C1GALT1: variants seen among roughly 807,000 people sequenced by gnomAD.
C1GALT1 encodes glycoprotein-N-acetylgalactosamine 3-beta-galactosyltransferase 1.
C1GALT1 carries 11 observed loss-of-function variants against 31.0 expected under a neutral mutation model. The observed-to-expected ratio is 0.36, with a 90% CI of 0.22 to 0.59. The LOEUF is 0.59. C1GALT1 is among the 20% of genes least tolerant of loss of function. The pLI, the probability that C1GALT1 is intolerant of heterozygous loss-of-function variation, is 0.79. For missense variants in C1GALT1, 424 were observed against 425.2 expected (o/e 1.00, Z 0.03); for synonymous variants, 175 against 143.6 (o/e 1.22, Z -1.56).
At chr7:7,213,098 T>A (rs1306311258) in intron 1 of C1GALT1, among the ~76,000 whole-genome samples, 1 of 152,228 alleles carries the variant, frequency 6.6e-6, no homozygotes, top group African/African-American at 2.4e-5. Flanking sequence ...TAGTTAACTC[T>A]TGTTTTGCTT....
rs1208861815 is a variant in C1GALT1 at position 7,244,255 on chromosome 7, T to TA, written c.*528_*529insA. The TA allele has an allele frequency of 6.6e-6, 1 of 152,206 alleles. No homozygotes were observed. 9.4% of individuals were successfully genotyped at this position (152,206 alleles called of 1,614,324 possible). ...TTTTTGTCTAATGAAAATGTTGCTG[T>TA]GATTATTTATAATTGGTAGTATTTC... On this transcript the variant is annotated 3_prime_UTR_variant, in exon 4 of 4. Coordinates refer to ENST00000436587, the MANE Select transcript of C1GALT1 (RefSeq NM_020156.5).
chr7:7,216,681 C>T (rs949391294), intron 1 of C1GALT1, among the ~76,000 whole-genome samples: 8 of 152,170 alleles, frequency 5.3e-5, no homozygotes, highest in Non-Finnish European at 8.8e-5. Flanking sequence ...CTATCTTAAT[C>T]GGAGACAGAA....
At chr7:7,166,172 A>T (rs763870877) in intron 2 of C1GALT1, among the ~76,000 whole-genome samples, 44 of 152,196 alleles carry the variant, frequency 2.9e-4, no homozygotes, top group Non-Finnish European at 5.3e-4. Context: ...GAGAATAATT[A>T]GGTTTCCTAA....
intron 1 of C1GALT1, among the ~76,000 whole-genome samples, chr7:7,227,603 C>G (rs1782830738): frequency 6.6e-6 from 1 of 151,384 alleles, no homozygotes; most frequent in Non-Finnish European, 1.5e-5. Flanking sequence ...GCCTGTAGTC[C>G]CAGCTACTTG....
intron 1 of C1GALT1, among the ~76,000 whole-genome samples, chr7:7,227,707 G>C (rs1364185437): frequency 7.6e-6 from 1 of 132,032 alleles, no homozygotes; most frequent in East Asian, 2.3e-4. Flanking sequence ...GCAACAGAGC[G>C]AGACTCCGTC....
chr7:7,170,660 G>A (rs1448219024), intron 2 of C1GALT1, among the ~76,000 whole-genome samples: 1 of 152,148 alleles, frequency 6.6e-6, no homozygotes, highest in Non-Finnish European at 1.5e-5. Context: ...GCAGGCATCT[G>A]TGATCCCACT....
At chr7:7,210,958 A>G (rs1421351825) in intron 1 of C1GALT1, among the ~76,000 whole-genome samples, 1 of 152,140 alleles carries the variant, frequency 6.6e-6, no homozygotes, top group Non-Finnish European at 1.5e-5. Flanking sequence ...AATAACTCCT[A>G]CAACATTCCC....
chr7:7,169,983 T>C (rs1383212778), intron 2 of C1GALT1, among the ~76,000 whole-genome samples: 1 of 152,246 alleles, frequency 6.6e-6, no homozygotes, highest in African/African-American at 2.4e-5. Flanking sequence ...TATCTGGTCC[T>C]GGACTTTTCT....
In C1GALT1 at chr7:7,196,957, G is replaced by A. The variant is rs1370925100; in HGVS notation, c.-18+14137G>A. 2.0e-5 allele frequency among the ~76,000 whole-genome samples: 3 copies of A among 152,030 alleles called. No homozygotes were observed. The East Asian group carries it at 5.8e-4, about 29-fold the overall frequency. ...TTGGATATTAGCCCTTTATCAGATG[G>A]GTAGATTGTAAAAATTTTCTCCCAT... On this transcript the variant is annotated intron_variant, in intron 1 of 3. Coordinates refer to ENST00000436587, the MANE Select transcript of C1GALT1 (RefSeq NM_020156.5).
At chr7:7,223,533 TCTC>T (rs1286862525) in intron 1 of C1GALT1, among the ~76,000 whole-genome samples, 1 of 152,202 alleles carries the variant, frequency 6.6e-6, no homozygotes, top group African/African-American at 2.4e-5. Context: ...TTGTATGATT[TCTC>T]CATTTGTGAG....
intron 2 of C1GALT1, among the ~76,000 whole-genome samples, chr7:7,159,466 T>A (rs2128226195): frequency 6.6e-6 from 1 of 151,612 alleles, no homozygotes; most frequent in East Asian, 1.9e-4. Flanking sequence ...GGAACAGAAA[T>A]AGAAATGCAA....
chr7:7,189,014 T>TA (rs1780940088), intron 1 of C1GALT1, among the ~76,000 whole-genome samples: 1 of 152,174 alleles, frequency 6.6e-6, no homozygotes, highest in African/African-American at 2.4e-5. Flanking sequence ...TTTCATTTGT[T>TA]TAGGTTTGTT....
intron 2 of C1GALT1, among the ~76,000 whole-genome samples, chr7:7,161,111 A>G (rs1340857361): frequency 6.6e-6 from 1 of 152,098 alleles, no homozygotes; most frequent in Non-Finnish European, 1.5e-5. Context: ...CAATGATATG[A>G]CAGACTAAGA....
In C1GALT1 at chr7:7,162,380, C is replaced by CTTGCGATAGTTTACTGAGAATGATGATTT. The variant is rs1780343516; in HGVS notation, c.-18+4955_-18+4983dup. Among the ~76,000 whole-genome samples, 3 of 149,482 alleles carry CTTGCGATAGTTTACTGAGAATGATGATTT rather than the reference C, an allele frequency of 2.0e-5. No individual in the cohort carries two copies. The Admixed American group carries it at 2.0e-4, about 10-fold the overall frequency. On this transcript the variant is annotated intron_variant, in intron 2 of 3. Transcript: ENST00000429911. ...AACATGTGGTGTTTGGTTTTTTGTC[C>CTTGCGATAGTTTACTGAGAATGATGATTT]TTGCGATAGTTTACTGAGAATGATG...
intron 1 of C1GALT1, among the ~76,000 whole-genome samples, chr7:7,208,178 G>T (rs1394977522): frequency 1.3e-5 from 2 of 152,064 alleles, no homozygotes; most frequent in African/African-American, 4.8e-5. Context: ...TGCAGTGCTT[G>T]TGTTCAGTTC....
rs568334880 is a variant in C1GALT1, at chr7:7,188,456, G to A, written c.-18+5636G>A. 9.2e-5 allele frequency among the ~76,000 whole-genome samples: 14 copies of A among 152,190 alleles called. No homozygotes were observed. In the East Asian group the frequency reaches 1.2e-3, roughly 13 times the overall value. ...AGAGATCATTTTGTTTGACAAGTGT[G>A]GAGAAATTAGTGGACTTTAATTTTT... On this transcript the variant is annotated intron_variant, in intron 1 of 3. Coordinates refer to ENST00000436587, the MANE Select transcript of C1GALT1 (RefSeq NM_020156.5).
intron 2 of C1GALT1, among the ~76,000 whole-genome samples, chr7:7,177,124 C>G (rs1162992218): frequency 6.6e-6 from 1 of 152,150 alleles, no homozygotes; most frequent in Non-Finnish European, 1.5e-5. Context: ...TAGCTGAAAG[C>G]AAGAAAAAAC....
At chr7:7,211,449 T>C (rs985719315) in intron 1 of C1GALT1, among the ~76,000 whole-genome samples, 4 of 152,212 alleles carry the variant, frequency 2.6e-5, no homozygotes, top group African/African-American at 7.2e-5. Context: ...AGTAAAACTT[T>C]CATGCTTCCT....
At chr7:7,174,510 G>C (rs1250495050) in intron 2 of C1GALT1, among the ~76,000 whole-genome samples, 1 of 152,088 alleles carries the variant, frequency 6.6e-6, no homozygotes, top group Non-Finnish European at 1.5e-5. Flanking sequence ...TTGGGAAGCT[G>C]AGGTGGGAGG....
Sources: gnomAD v4.1 joint callset for allele counts (sites outside exome capture counted in the v4.1 genomes callset) on GRCh38, gnomAD v4.1.1 for gene constraint, MANE v1.5 for transcripts, NCBI Gene and HGNC (gene_info 2026-07-23, HGNC 2026-07-21) for gene names.